The following DLC1 variants were observed in gnomAD, a reference collection of about 807,000 sequenced individuals.
DLC1 encodes the protein DLC1 Rho GTPase activating protein.
DLC1 carries 54 observed loss-of-function variants against 140.3 expected under a neutral mutation model. The observed-to-expected ratio is 0.38, with a 90% confidence interval of 0.31 to 0.48. The LOEUF is 0.48. DLC1 is among the 20% of genes least tolerant of loss of function. The pLI is 0.96. For missense variants in DLC1, 2,536 were observed against 1,907.0 expected, an observed-to-expected ratio of 1.33 and a Z score of -6.14; for synonymous variants, 986 against 728.1, an observed-to-expected ratio of 1.35 and a Z score of -5.70.
In DLC1 at chr8:13,181,218, G is replaced by T. The variant is rs925484549; in HGVS notation, c.1349-65561C>A. On this transcript the variant is annotated intron_variant, in intron 5 of 17. Transcript: ENST00000276297. ...TCCAAAACCTTTGCACTTACTGTTT[G>T]CTCTACTTGGAAAGCTCTTCCCCCA... 3.3e-5 allele frequency among the ~76,000 whole-genome samples: 5 copies of T among 151,608 alleles called. 1 individual carries two copies. The highest frequency in any genetic ancestry group is 7.4e-5 in the Non-Finnish European group (5 of 67,978).
intron 1 of DLC1, among the ~76,000 whole-genome samples, chr8:13,564,306 C>T (rs2117388962): frequency 1.3e-5 from 2 of 152,270 alleles, no homozygotes; most frequent in East Asian, 1.9e-4. Context: ...AATCATTTTT[C>T]ATCTTGAGTG....
chr8:13,546,051 C>T (rs1803638954), intron 1 of DLC1, among the ~76,000 whole-genome samples: 1 of 152,014 alleles, frequency 6.6e-6, no homozygotes, highest in Admixed American at 6.6e-5. Flanking sequence ...ATTAAGAAAA[C>T]AATCTTTTAT....
chr8:13,545,726 G>C (rs968226532), intron 1 of DLC1, among the ~76,000 whole-genome samples: 1 of 151,924 alleles, frequency 6.6e-6, no homozygotes, highest in Non-Finnish European at 1.5e-5. Context: ...AACCATTTGT[G>C]CTAAGATAAA....
intron 5 of DLC1, among the ~76,000 whole-genome samples, chr8:13,168,836 C>G (rs1047439671): frequency 2.6e-5 from 4 of 152,176 alleles, no homozygotes; most frequent in African/African-American, 9.7e-5. Context: ...CTAAAACGGT[C>G]AAAATTCCCC....
chr8:13,140,282 G>C (rs1295671515), intron 5 of DLC1, among the ~76,000 whole-genome samples: 7 of 152,074 alleles, frequency 4.6e-5, no homozygotes, highest in Non-Finnish European at 7.3e-5. Context: ...ACCCAGGCTA[G>C]AGTGCAGTGG....
At chr8:13,186,632 C>T (rs1333703329) in intron 5 of DLC1, among the ~76,000 whole-genome samples, 1 of 152,128 alleles carries the variant, frequency 6.6e-6, no homozygotes, top group Non-Finnish European at 1.5e-5. Context: ...TATTACTGAC[C>T]TTCTGAAGCC....
chr8:13,532,790 T>A lies in DLC1; in HGVS notation c.-125-32594A>T, dbSNP rs370424837. 5.9e-5 allele frequency among the ~76,000 whole-genome samples: 9 copies of A among 152,292 alleles called. No homozygotes were observed. In the East Asian group the frequency reaches 1.7e-3, roughly 29 times the overall value. ...TAACCACTGCCTTTTGGTATGTTTG[T>A]GTAATACTTCTTATTATAATTTCTC... On this transcript the variant is annotated intron_variant, in intron 1 of 1. Transcript: ENST00000631382.
At chr8:13,493,242 T>C (rs1476325084) in intron 2 of DLC1, among the ~76,000 whole-genome samples, 2 of 152,212 alleles carry the variant, frequency 1.3e-5, no homozygotes, top group African/African-American at 2.4e-5. Context: ...TATATATACC[T>C]ACCCTGCTTT....
rs919813289 is a variant in DLC1, at chr8:13,276,464, G to T, written c.1348+28805C>A. ...ACCATGCCTCGGTACTCCGCCCCGCGCTGTGCTCCCGGCCGCAGGCTGTCG... is the reference window on the plus strand; with the variant it reads ...ACCATGCCTCGGTACTCCGCCCCGCTCTGTGCTCCCGGCCGCAGGCTGTCG... On this transcript the variant is annotated intron_variant, in intron 5 of 17. Transcript: ENST00000276297. 8.1e-6 allele frequency: 11 copies of T among 1,360,018 alleles called. No homozygotes were observed. The Admixed American group carries it at 3.0e-4, about 37-fold the overall frequency. The allele number at this position is 1,360,018 out of a possible 1,614,324, so 84.2% of individuals were successfully genotyped here.
intron 2 of DLC1, among the ~76,000 whole-genome samples, chr8:13,430,958 T>A (rs546064733): frequency 6.6e-6 from 1 of 152,298 alleles, no homozygotes; most frequent in Non-Finnish European, 1.5e-5. Context: ...TCCTATGAAG[T>A]CGCATGAAAC....
chr8:13,240,672 G>C (rs1472056895), intron 5 of DLC1, among the ~76,000 whole-genome samples: 1 of 152,068 alleles, frequency 6.6e-6, no homozygotes, highest in Non-Finnish European at 1.5e-5. Context: ...AACTCAAGCA[G>C]TCCTTCCACC....
intron 2 of DLC1, among the ~76,000 whole-genome samples, chr8:13,474,488 G>T (rs530403286): frequency 2.0e-5 from 3 of 152,188 alleles, no homozygotes; most frequent in African/African-American, 7.2e-5. Flanking sequence ...GCCTAGTGGA[G>T]CTGTGAGAAA....
At chr8:13,343,506 C>G (rs1834171754) in intron 4 of DLC1, among the ~76,000 whole-genome samples, 1 of 152,208 alleles carries the variant, frequency 6.6e-6, no homozygotes, top group East Asian at 1.9e-4. Context: ...ATTGTCTACT[C>G]TGCACAAGAA....
chr8:13,324,068 A>T (rs1029980643), intron 4 of DLC1, among the ~76,000 whole-genome samples: 1 of 152,210 alleles, frequency 6.6e-6, no homozygotes, highest in Admixed American at 6.5e-5. Context: ...TAGTTAATAC[A>T]GTGTCTGACA....
chr8:13,276,011 T>C (rs1259559647), intron 5 of DLC1, among the ~76,000 whole-genome samples: 2 of 152,174 alleles, frequency 1.3e-5, no homozygotes, highest in East Asian at 3.9e-4. Context: ...ACTCTCATAA[T>C]TCCTTATCTA....
At chr8:13,087,986 G>T (rs1355360074) in intron 16 of DLC1, among the ~76,000 whole-genome samples, 1 of 152,208 alleles carries the variant, frequency 6.6e-6, no homozygotes, top group Non-Finnish European at 1.5e-5. Flanking sequence ...TTACCAAAGA[G>T]TTCAGACCAT....
At chr8:13,312,111 C>T (rs1832689718) in intron 4 of DLC1, among the ~76,000 whole-genome samples, 1 of 149,186 alleles carries the variant, frequency 6.7e-6, no homozygotes, top group Non-Finnish European at 1.5e-5. Flanking sequence ...CCTGTAATCC[C>T]AGCACTTTGG....
chr8:13,139,910 A>T (rs181719272), intron 5 of DLC1, among the ~76,000 whole-genome samples: 1 of 152,374 alleles, frequency 6.6e-6, no homozygotes, highest in African/African-American at 2.4e-5. Flanking sequence ...TACATAATAT[A>T]AAATTTACCA....
At chr8:13,237,167 C>T (rs1192050722) in intron 5 of DLC1, among the ~76,000 whole-genome samples, 1 of 147,470 alleles carries the variant, frequency 6.8e-6, no homozygotes, top group Non-Finnish European at 1.5e-5. Flanking sequence ...ACACAATGAT[C>T]CTGGGGAGGA....
Sources: allele counts gnomAD v4.1 joint callset (sites outside exome capture counted in the v4.1 genomes callset), GRCh38; gene constraint gnomAD v4.1.1; transcripts MANE v1.5; gene names NCBI Gene and HGNC (gene_info 2026-07-23, HGNC 2026-07-21).